Variants in IGFBP2 observed in about 807,000 individuals in gnomAD.
IGFBP2 encodes insulin like growth factor binding protein 2, also known as insulin-like growth factor-binding protein 2.
Under a neutral mutation model 26.2 loss-of-function variants are expected in IGFBP2, and 12 were observed. The ratio of observed to expected loss-of-function variants is 0.46; its 90% CI spans 0.29 to 0.74. The LOEUF (loss-of-function observed/expected upper bound fraction) is 0.74, where lower values mean the gene tolerates loss of function less well. Among genes scored for constraint, IGFBP2 ranks in the 30% least tolerant of loss-of-function variants. The pLI is 0.09. For synonymous variants in IGFBP2, 189 were observed against 200.6 expected, an observed-to-expected ratio of 0.94 and a Z score of 0.49; for missense variants, 328 against 441.2, an observed-to-expected ratio of 0.74 and a Z score of 2.30.
At chr2:216,639,859 T>C (rs1574554584) in intron 1 of IGFBP2, among the ~76,000 whole-genome samples, 1 of 152,094 alleles carries the variant, frequency 6.6e-6, no homozygotes, top group African/African-American at 2.4e-5. Flanking sequence ...GCCAGGCTGG[T>C]CTCGAACTCT....
At chr2:216,647,586 C>T (rs138285452) in intron 1 of IGFBP2, among the ~76,000 whole-genome samples, 95 of 152,326 alleles carry the variant, frequency 6.2e-4, no homozygotes, top group African/African-American at 1.9e-3. Context: ...GTGGCGTGAT[C>T]TCGGCTTACC....
chr2:216,634,652 AC>A (rs1369902393), intron 1 of IGFBP2, among the ~76,000 whole-genome samples: 1 of 152,128 alleles, frequency 6.6e-6, no homozygotes, highest in African/African-American at 2.4e-5. Context: ...AATCAATGTA[AC>A]TTAAGCCCGA....
intron 1 of IGFBP2, among the ~76,000 whole-genome samples, chr2:216,656,652 G>A (rs1014567920): frequency 1.3e-5 from 2 of 152,312 alleles, no homozygotes; most frequent in African/African-American, 2.4e-5. Flanking sequence ...CATTGAGTTC[G>A]GGTGAGCGGC....
At chr2:216,636,099 G>T (rs989719024) in intron 1 of IGFBP2, among the ~76,000 whole-genome samples, 4 of 152,140 alleles carry the variant, frequency 2.6e-5, no homozygotes, top group Admixed American at 1.3e-4. Context: ...AGGGGTCAAG[G>T]TTGGAGGCTT....
chr2:216,635,703 G>A lies in IGFBP2; in HGVS notation c.442+1738G>A, dbSNP rs71430225. 2.5e-3 allele frequency among the ~76,000 whole-genome samples: 387 copies of A among 152,094 alleles called. 1 individual carries two copies. The highest frequency in any genetic ancestry group is 4.2e-3 in the Non-Finnish European group (284 of 68,010). Reference sequence around the variant, plus strand: ...GAAGCCGGTTAGGGTCTTTAGCCAGGAACAGATGCGGCAGATTTTCTCCCA... The same window carrying A: ...GAAGCCGGTTAGGGTCTTTAGCCAGAAACAGATGCGGCAGATTTTCTCCCA... On this transcript the variant is annotated intron_variant, in intron 1 of 3. Coordinates refer to ENST00000233809, the MANE Select transcript of IGFBP2 (RefSeq NM_000597.3).
At chr2:216,653,260 A>G (rs1697860305) in intron 1 of IGFBP2, among the ~76,000 whole-genome samples, 1 of 152,232 alleles carries the variant, frequency 6.6e-6, no homozygotes. Context: ...CACTGAGGTC[A>G]GAACATTGTG....
At chr2:216,661,210 C>T (rs1274748044) in intron 2 of IGFBP2, 2 of 271,028 alleles carry the variant, frequency 7.4e-6, no homozygotes, top group African/African-American at 4.5e-5. Flanking sequence ...TCAAGTGATC[C>T]TCCTTCCTCA....
chr2:216,639,094 G>T (rs1004285422), intron 1 of IGFBP2, among the ~76,000 whole-genome samples: 1 of 146,780 alleles, frequency 6.8e-6, no homozygotes, highest in African/African-American at 2.5e-5. Flanking sequence ...GTGCAGTGGC[G>T]TGATCTTGGC....
intron 3 of IGFBP2, chr2:216,662,681 T>C (rs1688681455): frequency 6.7e-6 from 1 of 149,542 alleles, no homozygotes; most frequent in East Asian, 1.9e-4. Flanking sequence ...AACATACTTT[T>C]TTTTTTTTTT....
At chr2:216,659,925 C>T (rs563062186) in intron 1 of IGFBP2, among the ~76,000 whole-genome samples, 60 of 152,048 alleles carry the variant, frequency 3.9e-4, no homozygotes, top group African/African-American at 1.4e-3. Context: ...TGGGCAGGTA[C>T]ACAGTGACAG....
At chr2:216,656,925 C>T (rs9341191) in intron 1 of IGFBP2, among the ~76,000 whole-genome samples, 7,302 of 152,232 alleles carry the variant, frequency 0.048, 255 homozygotes, top group South Asian at 0.13. Context: ...AATGCGGTGT[C>T]GAGGTCTCCA....
At chr2:216,636,174 C>T (rs906196986) in intron 1 of IGFBP2, among the ~76,000 whole-genome samples, 1 of 151,948 alleles carries the variant, frequency 6.6e-6, no homozygotes, top group Non-Finnish European at 1.5e-5. Context: ...GTGCTGGGTC[C>T]GAGTTGGGTG....
chr2:216,660,628 G>A lies in IGFBP2; in HGVS notation c.514G>A (p.Gly172Arg), dbSNP rs746018674. ...GGACAGCACCATGAACATGTTGGGC[G>A]GGGGAGGCAGTGCTGGCCGGAAGCC... ...HVDSTMNMLGGGGSAGRKPLK... is the reference protein window; with the variant it reads ...HVDSTMNMLGRGGSAGRKPLK... Residue 172 changes from glycine to arginine, a missense_variant, in exon 2 of 4, where the codon GGG (glycine) becomes AGG (arginine). Coordinates refer to ENST00000233809, the MANE Select transcript of IGFBP2 (RefSeq NM_000597.3). The A allele has an allele frequency of 6.2e-6, 10 of 1,614,028 alleles. No individual in the cohort carries two copies. Among genetic ancestry groups the A allele is most frequent in the East Asian group, 4.5e-5 (2 of 44,884 alleles).
At chr2:216,643,401 T>C (rs1266391236) in intron 1 of IGFBP2, among the ~76,000 whole-genome samples, 1 of 152,186 alleles carries the variant, frequency 6.6e-6, no homozygotes, top group East Asian at 1.9e-4. Flanking sequence ...TGCACAATGA[T>C]GCCGAAGACT....
At chr2:216,655,597 G>A (rs1018780687) in intron 1 of IGFBP2, among the ~76,000 whole-genome samples, 2 of 152,130 alleles carry the variant, frequency 1.3e-5, no homozygotes, top group African/African-American at 4.8e-5. Context: ...TTTTATAGCA[G>A]TGTGAAAATG....
intron 1 of IGFBP2, among the ~76,000 whole-genome samples, chr2:216,644,995 C>A (rs1014217088): frequency 6.6e-5 from 10 of 152,326 alleles, no homozygotes; most frequent in African/African-American, 2.2e-4. Context: ...CATATCTTCT[C>A]AAAAATGTTC....
Position 216,664,149 on chromosome 2 carries a change from C to T in IGFBP2, c.*45C>T. On this transcript the variant is annotated 3_prime_UTR_variant, in exon 4 of 4. Coordinates refer to ENST00000233809, the MANE Select transcript of IGFBP2 (RefSeq NM_000597.3). The surrounding 1 kb of genome is among the most constrained non-coding windows in gnomAD (Gnocchi z 4.6). Reference sequence around the variant, plus strand: ...TGGCGCCCCTGCCCCCCGCCCCTCTCCAAACACCGGCAGAAAACGGAGAGT... The same window carrying T: ...TGGCGCCCCTGCCCCCCGCCCCTCTTCAAACACCGGCAGAAAACGGAGAGT... The T allele has an allele frequency of 2.0e-6, 3 of 1,468,114 alleles. No homozygotes were observed. Among genetic ancestry groups the T allele is most frequent in the Non-Finnish European group, 2.7e-6 (3 of 1,095,558 alleles). 90.9% of individuals were successfully genotyped at this position (1,468,114 alleles called of 1,614,324 possible).
Position 216,664,120 on chromosome 2 carries a change from T to C in IGFBP2, c.*16T>C. The C allele has an allele frequency of 1.3e-6, 2 of 1,565,064 alleles. No homozygotes were observed. Among genetic ancestry groups the C allele is most frequent in the Non-Finnish European group, 1.7e-6 (2 of 1,152,504 alleles). ...GATGCAGTAGACCGCAGCCAGCCGGTGCCTGGCGCCCCTGCCCCCCGCCCC... is the reference window on the plus strand; with the variant it reads ...GATGCAGTAGACCGCAGCCAGCCGGCGCCTGGCGCCCCTGCCCCCCGCCCC... On this transcript the variant is annotated 3_prime_UTR_variant, in exon 4 of 4. Coordinates refer to ENST00000233809, the MANE Select transcript of IGFBP2 (RefSeq NM_000597.3). The surrounding 1 kb of genome is among the most constrained non-coding windows in gnomAD (Gnocchi z 4.6).
intron 1 of IGFBP2, among the ~76,000 whole-genome samples, chr2:216,640,240 A>G (rs1008890320): frequency 2.0e-5 from 3 of 152,112 alleles, no homozygotes; most frequent in Admixed American, 1.3e-4. Flanking sequence ...ACTGGAGACT[A>G]TAATGCTTGA....
Sources: allele counts gnomAD v4.1 joint callset (sites outside exome capture counted in the v4.1 genomes callset), GRCh38; gene constraint gnomAD v4.1.1; non-coding constraint Gnocchi (gnomAD v3.1); transcripts MANE v1.5; gene names NCBI Gene and HGNC (gene_info 2026-07-23, HGNC 2026-07-21).